Variants in LARP4B observed in about 807,000 individuals in gnomAD.
LARP4B encodes La ribonucleoprotein 4B.
A neutral mutation model predicts 89.8 loss-of-function variants in LARP4B; 12 were observed. That is an observed-to-expected ratio of 0.13 (90% confidence interval 0.09 to 0.22). The LOEUF is 0.22. Among genes scored for constraint, LARP4B ranks in the 10% least tolerant of loss-of-function variants. The probability of loss-of-function intolerance (pLI) is 1.00; values close to 1 mark genes in which losing one functional copy is unlikely to be tolerated. For missense variants in LARP4B, 757 were observed against 947.7 expected (o/e 0.80, Z 2.64); for synonymous variants, 367 against 363.3 (o/e 1.01, Z -0.12).
chr10:966,557 G>A, the LARP4B span, among the ~76,000 whole-genome samples: 2 of 152,240 alleles, frequency 1.3e-5, no homozygotes, highest in East Asian at 1.9e-4. Flanking sequence ...ACATCCTACC[G>A]AGGAAGCCGA....
In LARP4B at chr10:908,707, G is replaced by A. The variant is rs186124743; in HGVS notation, c.-40+22721C>T. 3.3e-5 allele frequency among the ~76,000 whole-genome samples: 5 copies of A among 152,334 alleles called. No homozygotes were observed. In the East Asian group the frequency reaches 9.6e-4, roughly 29 times the overall value. On this transcript the variant is annotated intron_variant, in intron 1 of 17. Transcript: ENST00000316157. ...GGTTGATTGTTGTGACGCGAAAGCA[G>A]GAGAAAAACCGCTTTTTCTTCAGGA...
At chr10:909,490 T>C (rs2132015974) in intron 1 of LARP4B, among the ~76,000 whole-genome samples, 1 of 152,062 alleles carries the variant, frequency 6.6e-6, no homozygotes, top group South Asian at 2.1e-4. Flanking sequence ...ACAAAAGTAC[T>C]TTTTACAAAA....
the LARP4B span, among the ~76,000 whole-genome samples, chr10:978,098 C>T: frequency 6.6e-6 from 1 of 152,212 alleles, no homozygotes; most frequent in Non-Finnish European, 1.5e-5. Context: ...AACAGTATTT[C>T]CACTATTCAC....
intron 5 of LARP4B, among the ~76,000 whole-genome samples, chr10:848,129 T>C (rs1480364476): frequency 6.6e-6 from 1 of 152,066 alleles, no homozygotes. Flanking sequence ...AGTATAACAA[T>C]ATATGTCATT....
chr10:835,641 T>C (rs528450051), intron 8 of LARP4B, among the ~76,000 whole-genome samples: 33 of 152,192 alleles, frequency 2.2e-4, no homozygotes, highest in Non-Finnish European at 4.3e-4. Flanking sequence ...CACATAACAG[T>C]AAATGGCTTT....
intron 1 of LARP4B, among the ~76,000 whole-genome samples, chr10:928,047 T>C (rs556317282): frequency 9.0e-5 from 13 of 145,122 alleles, no homozygotes; most frequent in African/African-American, 3.2e-4. Flanking sequence ...ATCCCAACTC[T>C]ACTAAAAATA....
chr10:987,548 C>T, the LARP4B span: 1 of 152,198 alleles, frequency 6.6e-6, no homozygotes, highest in Non-Finnish European at 1.5e-5. Flanking sequence ...GCCTTTGTTT[C>T]CCCATGCACT....
At chr10:864,523 C>T (rs1834793491) in intron 3 of LARP4B, among the ~76,000 whole-genome samples, 1 of 152,090 alleles carries the variant, frequency 6.6e-6, no homozygotes, top group African/African-American at 2.4e-5. Flanking sequence ...AAGGACACGC[C>T]TGCCACCAAA....
the LARP4B span, among the ~76,000 whole-genome samples, chr10:947,926 G>A: frequency 1.3e-5 from 2 of 152,102 alleles, no homozygotes; most frequent in Non-Finnish European, 2.9e-5. Context: ...CCCGGCCAAT[G>A]AAATGTTTTT....
In LARP4B at chr10:814,227, AG is replaced by A. The variant is rs1385611312; in HGVS notation, c.1929+514del. On this transcript the variant is annotated intron_variant, in intron 17 of 17. Coordinates refer to ENST00000316157, the MANE Select transcript of LARP4B (RefSeq NM_015155.3). The surrounding 1 kb of genome is among the most constrained non-coding windows in gnomAD (Gnocchi z 4.4). The stretch of plus-strand genomic sequence containing the variant: ...CAAATTCAAGGAAAAGGCTCCCCCA[AG>A]ATCAAACTACAGAGGCCACAACTCA... Among the ~76,000 whole-genome samples, 2 of 152,160 alleles carry A rather than the reference AG, an allele frequency of 1.3e-5. No individual in the cohort carries two copies. The highest frequency in any genetic ancestry group is 4.8e-5 in the African/African-American group (2 of 41,432).
rs551651275 is a variant in LARP4B at position 897,299 on chromosome 10, T to G, written c.-39-11539A>C. Among the ~76,000 whole-genome samples, 7 of 152,284 alleles carry G rather than the reference T, an allele frequency of 4.6e-5. No homozygotes were observed. The South Asian group carries it at 6.2e-4, about 14-fold the overall frequency. ...GGAAAAGAACAATCTTGTCAACAAA[T>G]GGTGCTGGGACAACTAAATGTCAAC... is the stretch of plus-strand genomic sequence containing the variant. On this transcript the variant is annotated intron_variant, in intron 1 of 17. Coordinates refer to ENST00000316157, the MANE Select transcript of LARP4B (RefSeq NM_015155.3).
intron 5 of LARP4B, among the ~76,000 whole-genome samples, chr10:846,723 G>T (rs555070659): frequency 1.3e-5 from 2 of 152,100 alleles, no homozygotes; most frequent in Admixed American, 1.3e-4. Context: ...GGCACCAGCC[G>T]GAAGATAATG....
At chr10:834,523 T>C (rs1833091536) in intron 8 of LARP4B, among the ~76,000 whole-genome samples, 1 of 152,228 alleles carries the variant, frequency 6.6e-6, no homozygotes, top group Admixed American at 6.5e-5. Flanking sequence ...GTAGAAGGGC[T>C]CTATAATAAT....
chr10:973,724 A>G, the LARP4B span, among the ~76,000 whole-genome samples: 1 of 152,160 alleles, frequency 6.6e-6, no homozygotes. Flanking sequence ...ATTTTTAACC[A>G]TACAGTATTG....
chr10:814,489 C>T lies in LARP4B; in HGVS notation c.1929+253G>A, dbSNP rs1306300241. 7.6e-6 allele frequency: 5 copies of T among 655,730 alleles called. No homozygotes were observed. The highest frequency in any genetic ancestry group is 3.7e-5 in the African/African-American group (2 of 54,336). 40.6% of individuals were successfully genotyped at this position (655,730 alleles called of 1,614,324 possible). ...CAGGAGCTGGGGTCTTGTTACTACTCAAGAAACCTCTATTGACCAACACTG... is the reference window on the plus strand; with the variant it reads ...CAGGAGCTGGGGTCTTGTTACTACTTAAGAAACCTCTATTGACCAACACTG... On this transcript the variant is annotated intron_variant, in intron 17 of 17. Transcript: ENST00000316157. This position sits in a 1 kb window ranked among gnomAD's most constrained non-coding sequence, Gnocchi z 4.4.
intron 3 of LARP4B, among the ~76,000 whole-genome samples, chr10:867,444 G>T (rs933376273): frequency 6.6e-6 from 1 of 152,154 alleles, no homozygotes; most frequent in Non-Finnish European, 1.5e-5. Context: ...CACTCATCAA[G>T]AGTTCATTAA....
intron 13 of LARP4B, among the ~76,000 whole-genome samples, chr10:821,238 C>T (rs933873558): frequency 2.6e-5 from 4 of 152,184 alleles, no homozygotes; most frequent in African/African-American, 4.8e-5. Flanking sequence ...ATTTTCCCGG[C>T]GCAGATTTGC....
chr10:981,844 G>C, the LARP4B span, among the ~76,000 whole-genome samples: 1 of 152,032 alleles, frequency 6.6e-6, no homozygotes. Flanking sequence ...TGGATTACAG[G>C]CATGAGCCAC....
chr10:839,190 T>A lies in LARP4B; in HGVS notation c.647-2684A>T, dbSNP rs567624797. Among the ~76,000 whole-genome samples the A allele has an allele frequency of 7.9e-5, 12 of 152,326 alleles. No homozygotes were observed. The East Asian group carries it at 1.9e-3, about 24-fold the overall frequency. On this transcript the variant is annotated intron_variant, in intron 7 of 17. Transcript: ENST00000316157. The stretch of plus-strand genomic sequence containing the variant: ...TATGATACTGTAATGGTAGATAATG[T>A]CCCTATATGGTTGTCTGAACCCATA...
Sources: allele counts gnomAD v4.1 joint callset (sites outside exome capture counted in the v4.1 genomes callset), GRCh38; gene constraint gnomAD v4.1.1; non-coding constraint Gnocchi (gnomAD v3.1); transcripts MANE v1.5; gene names NCBI Gene and HGNC (gene_info 2026-07-23, HGNC 2026-07-21).